FAM171A1: variants seen among roughly 807,000 people sequenced by gnomAD.
FAM171A1 encodes the protein family with sequence similarity 171 member A1, also known as protein FAM171A1.
FAM171A1 carries 23 observed loss-of-function variants against 74.9 expected under a neutral mutation model. That is an observed-to-expected ratio of 0.31 (90% CI 0.22 to 0.44). The LOEUF is 0.44. FAM171A1 is among the 20% of genes least tolerant of loss of function. The pLI is 1.00. For missense variants in FAM171A1, 1,162 were observed against 1,159.2 expected (o/e 1.00, Z -0.03); for synonymous variants, 527 against 505.7 (o/e 1.04, Z -0.57).
chr10:15,325,557 C>G (rs572014524), intron 1 of FAM171A1, among the ~76,000 whole-genome samples: 1 of 152,112 alleles, frequency 6.6e-6, no homozygotes, highest in East Asian at 1.9e-4. Context: ...CTTTTCCAGG[C>G]CTTTCTGTGG....
intron 1 of FAM171A1, among the ~76,000 whole-genome samples, chr10:15,342,943 G>A (rs565411148): frequency 1.3e-5 from 2 of 152,184 alleles, no homozygotes; most frequent in Non-Finnish European, 1.5e-5. Flanking sequence ...TGTTTAACCC[G>A]TGAGCAAAGG....
intron 2 of FAM171A1, among the ~76,000 whole-genome samples, chr10:15,278,015 C>T (rs2138925): frequency 0.24 from 36,987 of 152,142 alleles, 4,687 homozygotes; most frequent in Middle Eastern, 0.29. Context: ...CTCGGCCTCC[C>T]AAAGTGCTGG....
At chr10:15,235,996 CACATTAGGCTCACACACTAG>C (rs1320950265) in intron 5 of FAM171A1, among the ~76,000 whole-genome samples, 1 of 152,142 alleles carries the variant, frequency 6.6e-6, no homozygotes, top group Non-Finnish European at 1.5e-5. Flanking sequence ...AGCCAGGGAG[CACATTAGGCTCACACACTAG>C]ACGAACACTC....
intron 1 of FAM171A1, among the ~76,000 whole-genome samples, chr10:15,329,101 T>G (rs1488731256): frequency 6.6e-6 from 1 of 152,142 alleles, no homozygotes; most frequent in East Asian, 1.9e-4. Flanking sequence ...TGTGGTGATG[T>G]CGGGAAGAAG....
intron 1 of FAM171A1, among the ~76,000 whole-genome samples, chr10:15,359,767 G>T (rs1160018927): frequency 6.6e-6 from 1 of 152,176 alleles, no homozygotes; most frequent in Non-Finnish European, 1.5e-5. Context: ...CAGGAGGCCT[G>T]GATGCACTCT....
At chr10:15,370,002 G>C (rs368411562) in intron 1 of FAM171A1, among the ~76,000 whole-genome samples, 1 of 152,182 alleles carries the variant, frequency 6.6e-6, no homozygotes, top group East Asian at 1.9e-4. Flanking sequence ...TGGCCCTTTT[G>C]AAAACGCCAG....
chr10:15,347,394 G>A (rs1454764927), intron 1 of FAM171A1, among the ~76,000 whole-genome samples: 3 of 152,218 alleles, frequency 2.0e-5, no homozygotes, highest in Non-Finnish European at 4.4e-5. Flanking sequence ...CTGACTGGAG[G>A]TGACCTAAAA....
chr10:15,264,996 C>T (rs1049756919), intron 3 of FAM171A1, among the ~76,000 whole-genome samples: 1 of 151,866 alleles, frequency 6.6e-6, no homozygotes, highest in African/African-American at 2.4e-5. Context: ...GACAAGGAAT[C>T]ATACAATTAA....
At chr10:15,304,630 C>T (rs1169272622) in intron 1 of FAM171A1, among the ~76,000 whole-genome samples, 1 of 152,210 alleles carries the variant, frequency 6.6e-6, no homozygotes, top group African/African-American at 2.4e-5. Context: ...AGCCTCCTGG[C>T]TGGCCCTGGT....
At chr10:15,242,155 T>A (rs545556597) in intron 5 of FAM171A1, among the ~76,000 whole-genome samples, 5 of 152,318 alleles carry the variant, frequency 3.3e-5, no homozygotes, top group Admixed American at 6.5e-5. Context: ...TTTTATGTGC[T>A]TAAGATGTGT....
At chr10:15,336,273 A>G (rs915350045) in intron 1 of FAM171A1, among the ~76,000 whole-genome samples, 4 of 151,936 alleles carry the variant, frequency 2.6e-5, no homozygotes, top group African/African-American at 9.7e-5. Context: ...GGTATTATGC[A>G]CACGTTCCTC....
At position 15,213,881 on chromosome 10, in the gene FAM171A1, G is replaced by C; in HGVS notation, c.1707C>G (p.Val569=). The C allele has an allele frequency of 2.5e-6, 4 of 1,614,156 alleles. No homozygotes were observed. The highest frequency in any genetic ancestry group is 1.3e-5 in the African/African-American group (1 of 75,050). The change falls in exon 8 of 8, where the codon GTC becomes GTG. Residue 569 remains valine, a synonymous_variant. Transcript: ENST00000378116. The surrounding 1 kb of genome is among the most constrained non-coding windows in gnomAD (Gnocchi z 6.8). ...QLICCSSVDQ[V]NDSVYRKVLP... is the part of the protein sequence containing the mutation. ...GTACTTTCCTGTAAACGCTGTCATTGACCTGGTCGACAGAACTGCAGCAGA... is the reference window on the plus strand; with the variant it reads ...GTACTTTCCTGTAAACGCTGTCATTCACCTGGTCGACAGAACTGCAGCAGA...
chr10:15,315,298 T>C (rs1835409019), intron 1 of FAM171A1, among the ~76,000 whole-genome samples: 1 of 152,162 alleles, frequency 6.6e-6, no homozygotes, highest in African/African-American at 2.4e-5. Flanking sequence ...CTCATCTTCC[T>C]TTGTCTCGGT....
intron 6 of FAM171A1, among the ~76,000 whole-genome samples, chr10:15,217,565 G>T (rs1190653610): frequency 6.6e-6 from 1 of 152,130 alleles, no homozygotes; most frequent in Non-Finnish European, 1.5e-5. Flanking sequence ...TGGAGTGCGA[G>T]GAGGGGGTTA....
intron 3 of FAM171A1, among the ~76,000 whole-genome samples, chr10:15,275,276 G>A (rs1208057389): frequency 6.6e-6 from 1 of 151,358 alleles, no homozygotes; most frequent in Admixed American, 6.6e-5. Context: ...ATAATAAGTG[G>A]ATTCCATTTA....
chr10:15,222,486 A>G (rs12772365), intron 5 of FAM171A1, among the ~76,000 whole-genome samples: 23,220 of 152,208 alleles, frequency 0.15, 2,090 homozygotes, highest in Middle Eastern at 0.23. Context: ...TAAACATAGA[A>G]AAGGTACAGT....
At chr10:15,240,394 G>T (rs1834348703) in intron 5 of FAM171A1, among the ~76,000 whole-genome samples, 1 of 152,178 alleles carries the variant, frequency 6.6e-6, no homozygotes, top group Non-Finnish European at 1.5e-5. Context: ...TTTATTGAGG[G>T]TCCATATAGC....
intron 5 of FAM171A1, among the ~76,000 whole-genome samples, chr10:15,226,247 A>G (rs1227156124): frequency 2.6e-5 from 4 of 152,166 alleles, no homozygotes; most frequent in Non-Finnish European, 5.9e-5. Flanking sequence ...GTGGCTGGAC[A>G]ATGACATGTG....
chr10:15,254,955 C>G, intron 3 of FAM171A1, 76 bp from the exon 4 acceptor site: 1 of 1,453,686 alleles, frequency 6.9e-7, no homozygotes, highest in Non-Finnish European at 9.5e-7. Context: ...CAGGAAGTGC[C>G]TCTCTAAGGT....
Sources: gnomAD v4.1 joint callset for allele counts (sites outside exome capture counted in the v4.1 genomes callset) on GRCh38, gnomAD v4.1.1 for gene constraint, Gnocchi (gnomAD v3.1) non-coding constraint, MANE v1.5 for transcripts, NCBI Gene and HGNC (gene_info 2026-07-23, HGNC 2026-07-21) for gene names.